The following CTNNA1 variants were observed in gnomAD, a reference collection of about 807,000 sequenced individuals.
CTNNA1 encodes catenin alpha 1.
In CTNNA1, 37 loss-of-function variants were observed where a neutral mutation model predicts 98.4. The observed-to-expected ratio is 0.38, with a 90% CI of 0.29 to 0.49. CTNNA1 has a LOEUF of 0.49. Among genes scored for constraint, CTNNA1 ranks in the 20% least tolerant of loss-of-function variants. The probability of loss-of-function intolerance (pLI) is 0.95; values close to 1 mark genes in which losing one functional copy is unlikely to be tolerated. For missense variants in CTNNA1, 761 were observed against 1,147.2 expected (o/e 0.66, Z 4.86); for synonymous variants, 404 against 413.2 (o/e 0.98, Z 0.27).
chr5:138,931,918 C>G, intron 16 of CTNNA1: 1 of 985,512 alleles, frequency 1.0e-6, no homozygotes, highest in Non-Finnish European at 1.2e-6. Context: ...GTGTTTCTCC[C>G]TTTGGGTAAA....
intron 5 of CTNNA1, among the ~76,000 whole-genome samples, chr5:138,816,307 C>T (rs1759428783): frequency 6.6e-6 from 1 of 152,184 alleles, no homozygotes; most frequent in Non-Finnish European, 1.5e-5. Context: ...GATTCCATAT[C>T]TTGGCTATTG....
At chr5:138,880,961 T>A in intron 7 of CTNNA1, 19 of 434,680 alleles carry the variant, frequency 4.4e-5, no homozygotes, top group Admixed American at 2.1e-4. Context: ...ATTGAATATG[T>A]GATGTTGTTA....
chr5:138,774,337 T>C (rs1753855316), intron 1 of CTNNA1, among the ~76,000 whole-genome samples: 1 of 152,188 alleles, frequency 6.6e-6, no homozygotes, highest in Admixed American at 6.5e-5. Flanking sequence ...TTTTCTAATA[T>C]TAAATAATTT....
chr5:138,789,188 T>TCC (rs11331872), intron 3 of CTNNA1, among the ~76,000 whole-genome samples: 1 of 149,224 alleles, frequency 6.7e-6, no homozygotes, highest in African/African-American at 2.5e-5. Flanking sequence ...TTCCTGTTTT[T>TCC]CCCCCCCCCC....
At chr5:138,770,263 T>G (rs187192887) in intron 1 of CTNNA1, among the ~76,000 whole-genome samples, 1 of 152,348 alleles carries the variant, frequency 6.6e-6, no homozygotes, top group East Asian at 1.9e-4. Context: ...TTGTTTCACA[T>G]TCTTTGCTTT....
At chr5:138,800,211 T>C (rs1351943472) in intron 3 of CTNNA1, among the ~76,000 whole-genome samples, 1 of 152,200 alleles carries the variant, frequency 6.6e-6, no homozygotes, top group East Asian at 1.9e-4. Flanking sequence ...ACCCCTGCAC[T>C]TTTTATGAAA....
chr5:138,932,763 G>C, intron 17 of CTNNA1, 51 bp downstream of exon 17: 1 of 1,607,264 alleles, frequency 6.2e-7, no homozygotes, highest in Non-Finnish European at 8.5e-7. Flanking sequence ...GCTGACCCTT[G>C]TCAGAAATGA....
At chr5:138,837,525 C>T (rs1280271491) in intron 7 of CTNNA1, among the ~76,000 whole-genome samples, 17 of 117,502 alleles carry the variant, frequency 1.4e-4, no homozygotes, top group Middle Eastern at 4.2e-3. Context: ...CCTCCCCTCC[C>T]TCTCCTCCCC....
At chr5:138,900,996 T>G (rs147405813) in intron 9 of CTNNA1, among the ~76,000 whole-genome samples, 314 of 152,306 alleles carry the variant, frequency 2.1e-3, no homozygotes, top group African/African-American at 7.1e-3. Context: ...TTAATACAAG[T>G]AACTGTGGTA....
chr5:138,786,606 G>A (rs138091049), intron 3 of CTNNA1, among the ~76,000 whole-genome samples: 49 of 152,294 alleles, frequency 3.2e-4, no homozygotes, highest in African/African-American at 1.1e-3. Flanking sequence ...AAATGGGGCC[G>A]TATCCACTCC....
chr5:138,895,497 G>GT (rs1042549558), intron 9 of CTNNA1, among the ~76,000 whole-genome samples: 2 of 125,828 alleles, frequency 1.6e-5, no homozygotes, highest in Non-Finnish European at 3.3e-5. Context: ...GATTTGAGCA[G>GT]TTTTTTGGGG....
intron 7 of CTNNA1, among the ~76,000 whole-genome samples, chr5:138,849,294 A>C (rs1438159398): frequency 6.6e-6 from 1 of 152,184 alleles, no homozygotes; most frequent in Non-Finnish European, 1.5e-5. Flanking sequence ...TAGAGGAAAA[A>C]GCTATTATGA....
chr5:138,802,036 C>A (rs145981183), intron 3 of CTNNA1, among the ~76,000 whole-genome samples: 1 of 152,052 alleles, frequency 6.6e-6, no homozygotes, highest in Admixed American at 6.5e-5. Context: ...GACAAATAAG[C>A]GTAGATATTG....
chr5:138,769,336 C>G (rs527365560), intron 1 of CTNNA1, among the ~76,000 whole-genome samples: 21 of 151,788 alleles, frequency 1.4e-4, no homozygotes, highest in African/African-American at 5.1e-4. Context: ...CTCCCTTAGT[C>G]CCACTGTGTT....
At chr5:138,911,515 G>T (rs571902173) in intron 10 of CTNNA1, among the ~76,000 whole-genome samples, 109 of 152,262 alleles carry the variant, frequency 7.2e-4, no homozygotes, top group Admixed American at 2.6e-3. Context: ...GGCATCAGAG[G>T]CAGAGAAGAA....
intron 16 of CTNNA1, chr5:138,931,968 C>T: frequency 1.0e-6 from 1 of 985,470 alleles, no homozygotes; most frequent in Non-Finnish European, 1.2e-6. Context: ...CTCTAAAACT[C>T]TGAGATGTGG....
intron 10 of CTNNA1, among the ~76,000 whole-genome samples, chr5:138,909,163 C>A (rs1238234633): frequency 6.6e-6 from 1 of 152,050 alleles, no homozygotes; most frequent in Non-Finnish European, 1.5e-5. Context: ...GATTATCTCA[C>A]TCAATATTTT....
chr5:138,791,865 ATTATAC>A (rs1054776326), intron 3 of CTNNA1, among the ~76,000 whole-genome samples: 1 of 66,980 alleles, frequency 1.5e-5, no homozygotes, highest in African/African-American at 6.1e-5. Flanking sequence ...TTTATTTTTT[ATTATAC>A]TTTAAGTTCT....
chr5:138,782,170 T>C (rs1215686314), intron 2 of CTNNA1, 141 bp downstream of exon 2: 1 of 794,782 alleles, frequency 1.3e-6, no homozygotes, highest in East Asian at 2.7e-5. Context: ...ATGATTTGAA[T>C]ATTGATGCAT....
Sources: gnomAD v4.1 joint callset for allele counts (sites outside exome capture counted in the v4.1 genomes callset) on GRCh38, gnomAD v4.1.1 for gene constraint, MANE v1.5 for transcripts, NCBI Gene and HGNC (gene_info 2026-07-23, HGNC 2026-07-21) for gene names.